Variants in SCHIP1 observed in about 807,000 individuals in gnomAD.
The protein encoded by SCHIP1 is schwannomin-interacting protein 1.
SCHIP1 carries 8 observed loss-of-function variants against 29.7 expected under a neutral mutation model. That is an observed-to-expected ratio of 0.27 (90% CI 0.16 to 0.49). The LOEUF (loss-of-function observed/expected upper bound fraction) is 0.49, where lower values mean the gene tolerates loss of function less well. Among genes scored for constraint, SCHIP1 ranks in the 20% least tolerant of loss-of-function variants. The pLI, the probability that SCHIP1 is intolerant of heterozygous loss-of-function variation, is 0.99. For synonymous variants in SCHIP1, 76 were observed against 94.9 expected, an observed-to-expected ratio of 0.80 and a Z score of 1.16; for missense variants, 193 against 294.6, an observed-to-expected ratio of 0.66 and a Z score of 2.52.
chr3:159,280,105 T>G, the SCHIP1 span, among the ~76,000 whole-genome samples: 1 of 152,072 alleles, frequency 6.6e-6, no homozygotes, highest in Non-Finnish European at 1.5e-5. Context: ...TCTGTAATTA[T>G]GAGAGGGTCT....
chr3:159,553,980 G>A, the SCHIP1 span, among the ~76,000 whole-genome samples: 1 of 92,344 alleles, frequency 1.1e-5, no homozygotes, highest in East Asian at 3.5e-4. Flanking sequence ...GTGTGTGTGT[G>A]TGTGTGTGTG....
At chr3:159,526,532 G>T in the SCHIP1 span, among the ~76,000 whole-genome samples, 1 of 152,144 alleles carries the variant, frequency 6.6e-6, no homozygotes, top group African/African-American at 2.4e-5. Flanking sequence ...TAAATCATTT[G>T]TTCCTAGGTC....
At chr3:159,834,659 A>G in the SCHIP1 span, among the ~76,000 whole-genome samples, 1 of 152,234 alleles carries the variant, frequency 6.6e-6, no homozygotes, top group South Asian at 2.1e-4. Flanking sequence ...GAAATGCTGC[A>G]AAGTCCCAAA....
At chr3:159,596,422 C>A in the SCHIP1 span, among the ~76,000 whole-genome samples, 1 of 152,020 alleles carries the variant, frequency 6.6e-6, no homozygotes, top group African/African-American at 2.4e-5. Flanking sequence ...CTAGAAATAC[C>A]CTTTGACCCA....
the SCHIP1 span, chr3:159,399,076 C>T: frequency 3.4e-6 from 1 of 294,294 alleles, no homozygotes; most frequent in African/African-American, 2.3e-5. Flanking sequence ...TGGTGAGTCT[C>T]CAAAACACCA....
the SCHIP1 span, among the ~76,000 whole-genome samples, chr3:159,336,441 T>C: frequency 6.6e-6 from 1 of 152,206 alleles, no homozygotes; most frequent in African/African-American, 2.4e-5. Context: ...CTGAATGGTA[T>C]TGCCTAGGTT....
chr3:159,485,692 G>A, the SCHIP1 span, among the ~76,000 whole-genome samples: 23 of 152,100 alleles, frequency 1.5e-4, no homozygotes, highest in East Asian at 3.9e-4. Context: ...CAAGTTGTCC[G>A]TTTCCTTATT....
chr3:159,704,862 TTTTTTCTTTC>T, the SCHIP1 span, among the ~76,000 whole-genome samples: 11 of 125,692 alleles, frequency 8.8e-5, no homozygotes, highest in Non-Finnish European at 1.9e-4. Context: ...CCTTCCTTCC[TTTTTTCTTTC>T]TTTCTTTCTT....
the SCHIP1 span, among the ~76,000 whole-genome samples, chr3:159,815,928 C>T: frequency 9.5e-6 from 1 of 105,626 alleles, no homozygotes; most frequent in African/African-American, 3.5e-5. Context: ...AGTCTCTCTG[C>T]CTCTGGTCCT....
At chr3:159,839,959 T>C (rs1744060590) in exon 1 of SCHIP1, 2 of 1,418,026 alleles carry the variant, frequency 1.4e-6, no homozygotes, top group Non-Finnish European at 1.8e-6. Flanking sequence ...CCTGCCTCAC[T>C]GGTTTCGGAG....
At chr3:159,289,512 T>C in the SCHIP1 span, among the ~76,000 whole-genome samples, 1 of 152,186 alleles carries the variant, frequency 6.6e-6, no homozygotes, top group Middle Eastern at 3.2e-3. Context: ...CTCTCCCTCA[T>C]GATTTGAGTA....
At chr3:159,558,266 A>G in the SCHIP1 span, among the ~76,000 whole-genome samples, 1 of 152,236 alleles carries the variant, frequency 6.6e-6, no homozygotes, top group African/African-American at 2.4e-5. Context: ...CTTTGGCCTA[A>G]AGAAGATGTG....
At chr3:159,719,688 G>C in the SCHIP1 span, among the ~76,000 whole-genome samples, 4,652 of 152,262 alleles carry the variant, frequency 0.031, 117 homozygotes, top group East Asian at 0.061. Context: ...CAATGAGATA[G>C]CATCTCACAC....
chr3:159,469,183 A>G, the SCHIP1 span, among the ~76,000 whole-genome samples: 1 of 152,190 alleles, frequency 6.6e-6, no homozygotes, highest in African/African-American at 2.4e-5. Flanking sequence ...TTGGAAAGAC[A>G]TTTAATATTA....
chr3:159,602,708 C>CA, the SCHIP1 span, among the ~76,000 whole-genome samples: 495 of 137,250 alleles, frequency 3.6e-3, 1 homozygote, highest in African/African-American at 5.4e-3. Context: ...GAATCCATCT[C>CA]AAAAAAAAAA....
At chr3:159,302,530 G>T in the SCHIP1 span, among the ~76,000 whole-genome samples, 5 of 152,284 alleles carry the variant, frequency 3.3e-5, no homozygotes, top group South Asian at 8.3e-4. Flanking sequence ...GCCAGGGTAT[G>T]TTATCTGTCC....
the SCHIP1 span, among the ~76,000 whole-genome samples, chr3:159,578,256 A>G: frequency 6.6e-6 from 1 of 152,226 alleles, no homozygotes; most frequent in Non-Finnish European, 1.5e-5. Context: ...TACACTCAAA[A>G]TGTGGCTAAT....
At chr3:159,656,615 G>A in the SCHIP1 span, among the ~76,000 whole-genome samples, 7 of 152,090 alleles carry the variant, frequency 4.6e-5, no homozygotes, top group East Asian at 3.9e-4. Context: ...TCTGTGCCTC[G>A]GTTTTCTCAT....
the SCHIP1 span, among the ~76,000 whole-genome samples, chr3:159,296,581 C>T: frequency 6.6e-6 from 1 of 152,200 alleles, no homozygotes; most frequent in Non-Finnish European, 1.5e-5. Flanking sequence ...CAAGACCAGC[C>T]TGGCCAACAT....
Sources: gnomAD v4.1 joint callset for allele counts (sites outside exome capture counted in the v4.1 genomes callset) on GRCh38, gnomAD v4.1.1 for gene constraint, MANE v1.5 for transcripts, NCBI Gene and HGNC (gene_info 2026-07-23, HGNC 2026-07-21) for gene names.